Variants in EIF4B observed in about 807,000 individuals in gnomAD.
The protein encoded by EIF4B is eukaryotic translation initiation factor 4B.
Under a neutral mutation model 79.3 loss-of-function variants are expected in EIF4B, and 8 were observed. The ratio of observed to expected loss-of-function variants is 0.10; its 90% CI spans 0.06 to 0.18. The LOEUF (loss-of-function observed/expected upper bound fraction) is 0.18, where lower values mean the gene tolerates loss of function less well. EIF4B is among the 10% of genes least tolerant of loss of function. The pLI is 1.00. For synonymous variants in EIF4B, 238 were observed against 274.7 expected (o/e 0.87, Z 1.32); for missense variants, 515 against 792.4 (o/e 0.65, Z 4.20).
chr12:53,007,599 C>G (rs1451910653), intron 1 of EIF4B, among the ~76,000 whole-genome samples: 1 of 151,842 alleles, frequency 6.6e-6, no homozygotes, highest in African/African-American at 2.4e-5. Flanking sequence ...CAGTGATGAC[C>G]CAACATCTTG....
At chr12:53,039,422 G>T in intron 13 of EIF4B, 79 bp downstream of exon 13, 2 of 1,304,382 alleles carry the variant, frequency 1.5e-6, no homozygotes, top group Non-Finnish European at 2.1e-6. Flanking sequence ...GGTTCTCAGA[G>T]CACTGCCAGA....
intron 12 of EIF4B, 111 bp from the exon 13 acceptor site, chr12:53,039,127 G>C: frequency 1.4e-6 from 1 of 726,358 alleles, no homozygotes; most frequent in Non-Finnish European, 2.3e-6. Context: ...GGTGAGGTTA[G>C]TTTCCCTCAG....
intron 11 of EIF4B, 172 bp downstream of exon 11, chr12:53,037,794 C>T (rs1254765477): frequency 1.3e-5 from 9 of 705,526 alleles, no homozygotes; most frequent in Non-Finnish European, 1.9e-5. Flanking sequence ...GTTCCATTTT[C>T]TGGAGTTCCA....
At chr12:53,034,460 C>T in intron 9 of EIF4B, 152 bp from the exon 10 acceptor site, 1 of 747,818 alleles carries the variant, frequency 1.3e-6, no homozygotes, top group Non-Finnish European at 2.3e-6. Flanking sequence ...GTCTTAATGT[C>T]TGTAGCTTTC....
At chr12:53,021,711 C>A in intron 4 of EIF4B, 95 bp from the exon 5 acceptor site, 1 of 1,384,622 alleles carries the variant, frequency 7.2e-7, no homozygotes, top group Non-Finnish European at 1.0e-6. Context: ...TCTTCCTTCC[C>A]CTAGTGCTTC....
At chr12:53,036,238 G>A (rs952388871) in intron 10 of EIF4B, among the ~76,000 whole-genome samples, 2 of 151,804 alleles carry the variant, frequency 1.3e-5, no homozygotes, top group South Asian at 2.1e-4. Flanking sequence ...CAAGCCTCCC[G>A]AGTAGCTGGG....
chr12:53,039,163 C>T (rs1943588228), intron 12 of EIF4B, 75 bp from the exon 13 acceptor site: 5 of 1,128,568 alleles, frequency 4.4e-6, no homozygotes, highest in South Asian at 4.3e-5. Context: ...TTTTCTTCAG[C>T]TTAAGGGAAA....
rs1276477171 is a variant in EIF4B, at chr12:53,032,059, GCCTT to G, written c.980-1746_980-1743del. Among the ~76,000 whole-genome samples, 18 of 124,990 alleles carry G rather than the reference GCCTT, an allele frequency of 1.4e-4. No homozygotes were observed. In the Admixed American group the frequency reaches 1.5e-3, roughly 11 times the overall value. 82.0% of individuals were successfully genotyped at this position (124,990 alleles called of 152,430 possible). ...AATTGAGGAAGAAATCAGACTGCCT[GCCTT>G]AAGAGTTTATTTGTTCAGTGTTACA... On this transcript the variant is annotated intron_variant, in intron 8 of 14. Transcript: ENST00000262056.
chr12:53,023,879 G>A (rs1943291779), intron 6 of EIF4B, among the ~76,000 whole-genome samples: 1 of 151,996 alleles, frequency 6.6e-6, no homozygotes, highest in East Asian at 1.9e-4. Context: ...CACTGCACCT[G>A]GCCTAAAATG....
At position 53,037,531 on chromosome 12, in the gene EIF4B, C is replaced by T. The variant is rs1943559844; in HGVS notation, c.1429C>T (p.Pro477Ser). 6.2e-7 allele frequency: 1 copy of T among 1,613,946 alleles called. No individual in the cohort carries two copies. Among genetic ancestry groups the T allele is most frequent in the Non-Finnish European group, 8.5e-7 (1 of 1,179,842 alleles). The change falls in exon 11 of 15, where the codon CCT (proline) becomes TCT (serine). Residue 477 changes from proline to serine, a missense_variant. By Grantham distance (74) the Pro-to-Ser change is moderately conservative (BLOSUM62 -1). This residue lies in a region of EIF4B where 146 missense variants were observed against 228.0 expected (regional missense o/e 0.64). Coordinates refer to ENST00000262056, the MANE Select transcript of EIF4B (RefSeq NM_001417.7). ...PDQPLKVMPA[P>S]PPKENAWVKR... ...TCAGCCCCTAAAGGTAATGCCAGCC[C>T]CTCCACCAAAGGAGAATGCTTGGGT...
intron 2 of EIF4B, 115 bp from the exon 3 acceptor site, chr12:53,018,683 T>G (rs1943186805): frequency 8.4e-7 from 1 of 1,188,166 alleles, no homozygotes; most frequent in Non-Finnish European, 1.2e-6. Context: ...CTTTTTTTGG[T>G]CTGGTTTTCT....
At chr12:53,007,772 T>C (rs1942993711) in intron 1 of EIF4B, among the ~76,000 whole-genome samples, 2 of 152,300 alleles carry the variant, frequency 1.3e-5, no homozygotes, top group Admixed American at 6.5e-5. Context: ...CTTTGGAAAA[T>C]GTTGAGAAAT....
chr12:53,022,430 T>G, intron 5 of EIF4B, 63 bp from the exon 6 acceptor site: 2 of 1,599,792 alleles, frequency 1.3e-6, no homozygotes, highest in Non-Finnish European at 1.7e-6. Flanking sequence ...TTTCTATGTG[T>G]GAGAAATATT....
intron 8 of EIF4B, among the ~76,000 whole-genome samples, chr12:53,028,703 A>T (rs1026320181): frequency 6.6e-6 from 1 of 152,278 alleles, no homozygotes; most frequent in Non-Finnish European, 1.5e-5. Flanking sequence ...GTTGCCAGAT[A>T]CTGTTATGTT....
intron 8 of EIF4B, among the ~76,000 whole-genome samples, chr12:53,031,310 C>G (rs1555153568): frequency 6.6e-6 from 1 of 152,196 alleles, no homozygotes; most frequent in Non-Finnish European, 1.5e-5. Flanking sequence ...GGATCTCACT[C>G]TGTCGCCCAG....
chr12:53,039,026 G>A (rs1030054238), intron 12 of EIF4B: 1 of 468,462 alleles, frequency 2.1e-6, no homozygotes, highest in African/African-American at 2.0e-5. Flanking sequence ...TCCCTACATG[G>A]AACTTTTTAG....
At chr12:53,028,556 C>CAAAA (rs781283142) in intron 8 of EIF4B, among the ~76,000 whole-genome samples, 1 of 74,872 alleles carries the variant, frequency 1.3e-5, no homozygotes. Context: ...CTCCCCATCT[C>CAAAA]AAAAAAAAAA....
At chr12:53,012,645 G>T (rs1178313583) in intron 1 of EIF4B, among the ~76,000 whole-genome samples, 1 of 144,526 alleles carries the variant, frequency 6.9e-6, no homozygotes, top group Non-Finnish European at 1.5e-5. Flanking sequence ...TCGCTTTGTA[G>T]CCCAGGCTGG....
chr12:53,037,000 C>T (rs1402597443), intron 10 of EIF4B, among the ~76,000 whole-genome samples: 1 of 152,162 alleles, frequency 6.6e-6, no homozygotes, highest in Non-Finnish European at 1.5e-5. Flanking sequence ...GGTGGTTTTT[C>T]ATAAATATGA....
Sources: gnomAD v4.1 joint callset for allele counts (sites outside exome capture counted in the v4.1 genomes callset) on GRCh38, gnomAD v4.1.1 for gene constraint, gnomAD v4.1.1 regional missense constraint, MANE v1.5 for transcripts, NCBI Gene and HGNC (gene_info 2026-07-23, HGNC 2026-07-21) for gene names.